The following GMDS variants were observed in gnomAD, a reference collection of about 807,000 sequenced individuals.
GMDS encodes the protein GDP-mannose 4,6 dehydratase.
A neutral mutation model predicts 49.9 loss-of-function variants in GMDS; 20 were observed. The ratio of observed to expected loss-of-function variants is 0.40; its 90% CI spans 0.28 to 0.58. The LOEUF is 0.58. Among genes scored for constraint, GMDS ranks in the 20% least tolerant of loss-of-function variants. The pLI, the probability that GMDS is intolerant of heterozygous loss-of-function variation, is 0.42. For synonymous variants in GMDS, 177 were observed against 178.6 expected, an observed-to-expected ratio of 0.99 and a Z score of 0.07; for missense variants, 362 against 481.4, an observed-to-expected ratio of 0.75 and a Z score of 2.32.
At chr6:1,942,192 C>A (rs1762855554) in intron 6 of GMDS, among the ~76,000 whole-genome samples, 1 of 152,226 alleles carries the variant, frequency 6.6e-6, no homozygotes, top group Non-Finnish European at 1.5e-5. Context: ...GGTGAATGGT[C>A]TCACCCTGCA....
chr6:1,718,011 CTCT>C (rs1290318542), intron 9 of GMDS, among the ~76,000 whole-genome samples: 1 of 152,170 alleles, frequency 6.6e-6, no homozygotes, highest in African/African-American at 2.4e-5. Flanking sequence ...GGCCCTATGG[CTCT>C]CAGATACAAG....
chr6:1,682,972 C>T (rs997994044), intron 9 of GMDS, among the ~76,000 whole-genome samples: 3 of 152,184 alleles, frequency 2.0e-5, no homozygotes, highest in Non-Finnish European at 2.9e-5. Flanking sequence ...CCTAGAAGCC[C>T]CCAATATAAG....
chr6:2,115,179 C>T (rs1774774682), intron 4 of GMDS, among the ~76,000 whole-genome samples: 1 of 152,120 alleles, frequency 6.6e-6, no homozygotes, highest in Non-Finnish European at 1.5e-5. Flanking sequence ...CACTAGAACC[C>T]TAAGGATGGG....
At position 2,080,415 on chromosome 6, in the gene GMDS, C is replaced by G. The variant is rs148273971; in HGVS notation, c.345+35356G>C. On this transcript the variant is annotated intron_variant, in intron 4 of 10. Coordinates refer to ENST00000380815, the MANE Select transcript of GMDS (RefSeq NM_001500.4). Reference sequence around the variant, plus strand: ...TGTTTCCTGCATCCTTATGTTGCTACTTGGGCATCTGGTGTCAGTCACTGC... The same window carrying G: ...TGTTTCCTGCATCCTTATGTTGCTAGTTGGGCATCTGGTGTCAGTCACTGC... 5.9e-3 allele frequency among the ~76,000 whole-genome samples: 893 copies of G among 152,226 alleles called. 7 individuals are homozygous for G. The highest frequency in any genetic ancestry group is 0.021 in the African/African-American group (860 of 41,526).
intron 7 of GMDS, among the ~76,000 whole-genome samples, chr6:1,772,990 C>A (rs1264951529): frequency 6.6e-6 from 1 of 152,300 alleles, no homozygotes; most frequent in South Asian, 2.1e-4. Flanking sequence ...AATGACAGAG[C>A]CTGCTAATCC....
chr6:1,836,281 C>CT lies in GMDS; in HGVS notation c.772-93696dup, dbSNP rs1279615365. 3.9e-5 allele frequency among the ~76,000 whole-genome samples: 6 copies of CT among 152,152 alleles called. No homozygotes were observed. The highest frequency in any genetic ancestry group is 8.8e-5 in the Non-Finnish European group (6 of 68,018). On this transcript the variant is annotated intron_variant, in intron 7 of 10. Transcript: ENST00000380815. This position sits in a 1 kb window ranked among gnomAD's most constrained non-coding sequence, Gnocchi z 4.2. ...TTGCTGTGTAAATGAAAGAAAAACT[C>CT]TGAGACCTGAACTCAAAATTTGAGG... is the stretch of plus-strand genomic sequence containing the variant.
chr6:1,893,075 C>CCAT (rs1195561889), intron 7 of GMDS, among the ~76,000 whole-genome samples: 2 of 152,194 alleles, frequency 1.3e-5, no homozygotes, highest in Non-Finnish European at 2.9e-5. Context: ...TGCAGCTTCC[C>CCAT]CATCCACCTC....
chr6:1,728,310 G>T (rs976480652), intron 8 of GMDS, among the ~76,000 whole-genome samples: 4 of 152,160 alleles, frequency 2.6e-5, no homozygotes, highest in Non-Finnish European at 5.9e-5. Flanking sequence ...TAGGCTTTCA[G>T]TAGATGAAAG....
chr6:2,085,859 C>T (rs1772983561), intron 4 of GMDS, among the ~76,000 whole-genome samples: 1 of 152,180 alleles, frequency 6.6e-6, no homozygotes, highest in Admixed American at 6.5e-5. Flanking sequence ...TAAAGTCAGG[C>T]ATACCTGAAC....
chr6:1,809,047 A>G (rs967600496), intron 7 of GMDS, among the ~76,000 whole-genome samples: 5 of 152,216 alleles, frequency 3.3e-5, no homozygotes, highest in African/African-American at 1.2e-4. Context: ...ATGATTTTAT[A>G]TCAATACTTT....
At chr6:2,077,953 T>C in intron 4 of GMDS, among the ~76,000 whole-genome samples, 1 of 152,066 alleles carries the variant, frequency 6.6e-6, no homozygotes, top group East Asian at 1.9e-4. Flanking sequence ...CTGATATGAC[T>C]TTGTTACTGG....
intron 7 of GMDS, among the ~76,000 whole-genome samples, chr6:1,864,156 C>G (rs1197902420): frequency 1.3e-5 from 2 of 152,080 alleles, no homozygotes; most frequent in African/African-American, 4.8e-5. Flanking sequence ...TTTCTCTAAA[C>G]TTTTCTCATT....
rs1262186674 is a variant in GMDS, at chr6:1,738,029, CACCA to C, written c.890+4435_890+4438del. Among the ~76,000 whole-genome samples the C allele has an allele frequency of 9.9e-4, 13 of 13,186 alleles. No individual in the cohort carries two copies. The South Asian group carries it at 0.016, about 17-fold the overall frequency. The allele number at this position is 13,186 out of a possible 152,430, so 8.7% of individuals were successfully genotyped here. On this transcript the variant is annotated intron_variant, in intron 8 of 10. Transcript: ENST00000380815. ...ACAGACACACATACACACATACACA[CACCA>C]CACACACACACCACATACACCACAC... is the stretch of plus-strand genomic sequence containing the variant.
At chr6:1,744,397 T>A (rs1767403062) in intron 7 of GMDS, among the ~76,000 whole-genome samples, 1 of 152,194 alleles carries the variant, frequency 6.6e-6, no homozygotes, top group Admixed American at 6.5e-5. Context: ...CAATTTCATT[T>A]TGCCTTAAGA....
intron 4 of GMDS, among the ~76,000 whole-genome samples, chr6:2,076,405 A>G (rs1260835013): frequency 6.6e-6 from 1 of 152,074 alleles, no homozygotes; most frequent in East Asian, 1.9e-4. Context: ...ATTGGAAAAA[A>G]ACTACTTTAA....
At chr6:2,002,226 G>A (rs375400227) in intron 4 of GMDS, among the ~76,000 whole-genome samples, 15 of 152,080 alleles carry the variant, frequency 9.9e-5, no homozygotes, top group East Asian at 1.9e-4. Context: ...ACATTGTTGC[G>A]TGCCTACCGC....
At chr6:1,797,678 G>T (rs114467133) in intron 7 of GMDS, among the ~76,000 whole-genome samples, 18 of 152,336 alleles carry the variant, frequency 1.2e-4, no homozygotes, top group African/African-American at 4.3e-4. Context: ...GAGGCAGAAA[G>T]AACTTAATAG....
intron 7 of GMDS, among the ~76,000 whole-genome samples, chr6:1,832,890 T>C (rs1430044883): frequency 6.6e-6 from 1 of 152,188 alleles, no homozygotes; most frequent in Non-Finnish European, 1.5e-5. Flanking sequence ...AAGCACACGA[T>C]GAACTTTATC....
At chr6:1,624,434 C>A (rs112281152) in intron 10 of GMDS, 38 bp downstream of exon 10, 1 of 1,575,154 alleles carries the variant, frequency 6.3e-7, no homozygotes, top group South Asian at 1.1e-5. Context: ...CAGCCCGGGG[C>A]CCCGCAGCGG....
Sources: gnomAD v4.1 joint callset for allele counts (sites outside exome capture counted in the v4.1 genomes callset) on GRCh38, gnomAD v4.1.1 for gene constraint, Gnocchi (gnomAD v3.1) non-coding constraint, MANE v1.5 for transcripts, NCBI Gene and HGNC (gene_info 2026-07-23, HGNC 2026-07-21) for gene names.